Variants in ZFHX3 observed in about 807,000 individuals in gnomAD.
ZFHX3 encodes zinc finger homeobox protein 3.
In ZFHX3, 42 loss-of-function variants were observed where a neutral mutation model predicts 279.1. The observed-to-expected ratio is 0.15, with a 90% CI of 0.12 to 0.19. The LOEUF is 0.19. Among genes scored for constraint, ZFHX3 ranks in the 10% least tolerant of loss-of-function variants. ZFHX3 has a pLI of 1.00. For missense variants in ZFHX3, 4,981 were observed against 4,754.0 expected (o/e 1.05, Z -1.40); for synonymous variants, 2,293 against 1,957.8 (o/e 1.17, Z -4.52).
chr16:73,498,020 C>T (rs575128895), intron 2 of ZFHX3, among the ~76,000 whole-genome samples: 10 of 152,182 alleles, frequency 6.6e-5, no homozygotes, highest in Non-Finnish European at 1.2e-4. Context: ...ACTATAAATG[C>T]CTGTAAAATA....
intron 1 of ZFHX3, among the ~76,000 whole-genome samples, chr16:73,710,591 C>T (rs2053350532): frequency 6.6e-6 from 1 of 152,194 alleles, no homozygotes; most frequent in South Asian, 2.1e-4. Flanking sequence ...CTTCAGTTCT[C>T]TGAACCTCCA....
At chr16:73,789,235 C>T (rs1959752801) in intron 1 of ZFHX3, among the ~76,000 whole-genome samples, 1 of 151,846 alleles carries the variant, frequency 6.6e-6, no homozygotes, top group Admixed American at 6.6e-5. Flanking sequence ...GGCTGCGGTG[C>T]AGTGGTGTGA....
chr16:73,626,374 C>T (rs112076754), intron 2 of ZFHX3, among the ~76,000 whole-genome samples: 3,047 of 152,106 alleles, frequency 0.02, 107 homozygotes, highest in African/African-American at 0.07. Flanking sequence ...CCCCTCCCCC[C>T]GCCAAAGGAG....
intron 1 of ZFHX3, among the ~76,000 whole-genome samples, chr16:73,846,072 G>A (rs1469906509): frequency 3.3e-5 from 5 of 152,128 alleles, no homozygotes; most frequent in African/African-American, 1.2e-4. Context: ...TGCTGGGATT[G>A]CAGGCATGAG....
At position 73,185,398 on chromosome 16, in the gene ZFHX3, C is replaced by T. The variant is rs374680929; in HGVS notation, c.-1103-41567G>A. On this transcript the variant is annotated intron_variant, in intron 5 of 17. Coordinates refer to the ZFHX3 transcript ENST00000641206. ...GAGACATTTGTCCAACGTTGCACAG[C>T]TTGCAAGTGGCAGAGCAAAGGGCGG... Among the ~76,000 whole-genome samples, 24 of 152,306 alleles carry T rather than the reference C, an allele frequency of 1.6e-4. No homozygotes were observed. The East Asian group carries it at 4.4e-3, about 28-fold the overall frequency.
At chr16:73,494,942 C>T (rs2019115064) in intron 2 of ZFHX3, among the ~76,000 whole-genome samples, 1 of 150,474 alleles carries the variant, frequency 6.6e-6, no homozygotes, top group African/African-American at 2.5e-5. Context: ...TGACTGAAAC[C>T]AGAAAGAAAA....
At chr16:73,059,471 T>C (rs1288626278) in exon 1 of ZFHX3, 1 of 151,492 alleles carries the variant, frequency 6.6e-6, no homozygotes, top group African/African-American at 2.4e-5. Context: ...TTAAGATTTT[T>C]TTTTTCCTTT....
intron 3 of ZFHX3, among the ~76,000 whole-genome samples, chr16:73,412,326 CA>C (rs60447973): frequency 0.12 from 13,425 of 116,102 alleles, 608 homozygotes; most frequent in African/African-American, 0.22. Flanking sequence ...GAGACTGTTT[CA>C]AAAAAAAAAA....
At chr16:73,150,910 G>T (rs116158385) in intron 5 of ZFHX3, among the ~76,000 whole-genome samples, 1 of 152,106 alleles carries the variant, frequency 6.6e-6, no homozygotes, top group Admixed American at 6.6e-5. Context: ...TCAAGTGTGC[G>T]CGCAGATAAG....
chr16:73,706,130 C>T (rs535432460), intron 1 of ZFHX3, among the ~76,000 whole-genome samples: 98 of 152,136 alleles, frequency 6.4e-4, no homozygotes, highest in African/African-American at 2.3e-3. Flanking sequence ...CATAGTAAGA[C>T]CTCATCTCTA....
chr16:73,830,548 A>G lies in ZFHX3; in HGVS notation c.-1608+61103T>C, dbSNP rs1235515467. Among the ~76,000 whole-genome samples the G allele has an allele frequency of 3.3e-5, 5 of 152,236 alleles. No individual in the cohort carries two copies. In the South Asian group the frequency reaches 8.3e-4, roughly 25 times the overall value. ...CTTAACCTCTGATTCTTCCCACACA[A>G]ACCCATTTGTGTGGATTTTGTGGAG... On this transcript the variant is annotated intron_variant, in intron 1 of 17. Transcript: ENST00000641206.
intron 6 of ZFHX3, among the ~76,000 whole-genome samples, chr16:73,143,348 A>T (rs1009734346): frequency 6.6e-6 from 1 of 152,062 alleles, no homozygotes; most frequent in Non-Finnish European, 1.5e-5. Flanking sequence ...AAATGCTCAG[A>T]GACGAGAAGT....
chr16:72,856,382 G>C (rs1348536644), intron 4 of ZFHX3, among the ~76,000 whole-genome samples: 1 of 152,354 alleles, frequency 6.6e-6, no homozygotes, highest in African/African-American at 2.4e-5. Flanking sequence ...GGGCTCACGA[G>C]GCTTCCGGTG....
rs1313038774 is a variant in ZFHX3 at position 73,500,621 on chromosome 16, C to A, written c.-1546-44363G>T. On this transcript the variant is annotated intron_variant, in intron 2 of 17. Transcript: ENST00000641206. The stretch of plus-strand genomic sequence containing the variant: ...GTATTACAGGTGTGAGCCACTGCAC[C>A]CAACCTGTGCCCTAGTTTTTATTTT... 2.1e-4 allele frequency among the ~76,000 whole-genome samples: 32 copies of A among 148,950 alleles called. No homozygotes were observed. In the Admixed American group the frequency reaches 2.1e-3, roughly 10 times the overall value.
intron 4 of ZFHX3, among the ~76,000 whole-genome samples, chr16:72,832,339 T>C (rs1421178784): frequency 6.6e-6 from 1 of 152,138 alleles, no homozygotes; most frequent in Non-Finnish European, 1.5e-5. Flanking sequence ...TGTTGCTTTG[T>C]GAATATTCCT....
chr16:73,137,980 A>G (rs1235225954), intron 6 of ZFHX3, among the ~76,000 whole-genome samples: 5 of 152,144 alleles, frequency 3.3e-5, no homozygotes, highest in African/African-American at 1.2e-4. Context: ...ATTGCTTGTC[A>G]TCGGAGAAAA....
chr16:73,493,072 A>G (rs1208632733), intron 2 of ZFHX3, among the ~76,000 whole-genome samples: 1 of 151,774 alleles, frequency 6.6e-6, no homozygotes, highest in Non-Finnish European at 1.5e-5. Context: ...TTTTTTTTCT[A>G]ATACAATCCT....
At chr16:73,337,900 G>GGGGA (rs1555510906) in intron 3 of ZFHX3, among the ~76,000 whole-genome samples, 1 of 134,592 alleles carries the variant, frequency 7.4e-6, no homozygotes, top group Non-Finnish European at 1.6e-5. Context: ...GGCGGGGGGG[G>GGGGA]GGGTCCTCAT....
chr16:73,721,565 C>G (rs2053473988), intron 1 of ZFHX3, among the ~76,000 whole-genome samples: 1 of 152,068 alleles, frequency 6.6e-6, no homozygotes, highest in Non-Finnish European at 1.5e-5. Flanking sequence ...ACTGTGAAGC[C>G]CACCCAAGCC....
Sources: allele counts gnomAD v4.1 joint callset (sites outside exome capture counted in the v4.1 genomes callset), GRCh38; gene constraint gnomAD v4.1.1; transcripts MANE v1.5; gene names NCBI Gene and HGNC (gene_info 2026-07-23, HGNC 2026-07-21).